CWC27: variants seen among roughly 807,000 people sequenced by gnomAD.
CWC27 encodes the protein CWC27 spliceosome associated cyclophilin, also known as spliceosome-associated protein CWC27 homolog.
In CWC27, 47 loss-of-function variants were observed where a neutral mutation model predicts 63.6. That is an observed-to-expected ratio of 0.74 (90% CI 0.58 to 0.94). The LOEUF is 0.94. CWC27 is among the 40% of genes least tolerant of loss of function. The pLI is 0.00. For missense variants in CWC27, 495 were observed against 554.3 expected (o/e 0.89, Z 1.07); for synonymous variants, 175 against 179.8 (o/e 0.97, Z 0.22).
At chr5:64,897,459 A>C (rs141752370) in intron 11 of CWC27, among the ~76,000 whole-genome samples, 1 of 152,172 alleles carries the variant, frequency 6.6e-6, no homozygotes, top group Non-Finnish European at 1.5e-5. Context: ...GCTGGAAACC[A>C]TCATTCTTAG....
At chr5:64,834,048 G>T (rs1191498748) in intron 10 of CWC27, among the ~76,000 whole-genome samples, 1 of 149,540 alleles carries the variant, frequency 6.7e-6, no homozygotes, top group African/African-American at 2.4e-5. Flanking sequence ...AATCAGCTGT[G>T]AATTGTTTTA....
rs780124346 is a variant in CWC27, at chr5:64,785,463, A to G, written c.397-18A>G. On this transcript the variant is annotated intron_variant, in intron 4 of 13. Coordinates refer to ENST00000381070, the MANE Select transcript of CWC27 (RefSeq NM_005869.4). ...GAGTGCAATAATTTTCAATTACATT[A>G]TATTTTTAATTTGATAGGTTACAGG... 1.7e-6 allele frequency: 2 copies of G among 1,199,664 alleles called. No individual in the cohort carries two copies. The highest frequency in any genetic ancestry group is 3.1e-5 in the African/African-American group (2 of 63,664). 74.3% of individuals were successfully genotyped at this position (1,199,664 alleles called of 1,614,324 possible). A position where few individuals can be genotyped will look rare whatever the true frequency, so the allele number is the denominator to read the frequency against.
chr5:64,832,252 T>C (rs1745543050), intron 10 of CWC27, among the ~76,000 whole-genome samples: 1 of 139,326 alleles, frequency 7.2e-6, no homozygotes. Context: ...TGATACATCT[T>C]GTTCTGTAAT....
At chr5:64,924,470 A>G (rs1748064694) in intron 11 of CWC27, among the ~76,000 whole-genome samples, 1 of 152,232 alleles carries the variant, frequency 6.6e-6, no homozygotes, top group Non-Finnish European at 1.5e-5. Context: ...TTGCAAAGCT[A>G]TGTAATCTAC....
rs547843751 is a variant in CWC27, at chr5:64,972,175, C to G, written c.1152+363C>G. Among the ~76,000 whole-genome samples, 5 of 152,160 alleles carry G rather than the reference C, an allele frequency of 3.3e-5. No individual in the cohort carries two copies. In the South Asian group the frequency reaches 1.0e-3, roughly 32 times the overall value. ...AATGATGAGAGAGTCTCTTCCAGCC[C>G]GACATCTCGCATGCTGACTAGCCAG... On this transcript the variant is annotated intron_variant, in intron 12 of 13. Coordinates refer to ENST00000381070, the MANE Select transcript of CWC27 (RefSeq NM_005869.4).
chr5:64,842,008 ATAG>A (rs1321100646), intron 10 of CWC27, among the ~76,000 whole-genome samples: 1 of 152,160 alleles, frequency 6.6e-6, no homozygotes, highest in Non-Finnish European at 1.5e-5. Flanking sequence ...TTGACTTAAA[ATAG>A]TAGTTGACAA....
At chr5:64,916,585 C>G (rs367701729) in intron 11 of CWC27, among the ~76,000 whole-genome samples, 2 of 152,130 alleles carry the variant, frequency 1.3e-5, no homozygotes, top group East Asian at 1.9e-4. Context: ...GTTCTGGGTT[C>G]TATCATCAGA....
rs146487284 is a variant in CWC27, at chr5:64,777,274, A to G, written c.139+2487A>G. 4.4e-3 allele frequency among the ~76,000 whole-genome samples: 675 copies of G among 152,214 alleles called. 9 individuals carry two copies. The highest frequency in any genetic ancestry group is 7.9e-3 in the South Asian group (38 of 4,828). Reference sequence around the variant, plus strand: ...TTTTATTCTTTAATAATAGTTTACTAATTCTTTAGAGTGACAAATATAAGC... The same window carrying G: ...TTTTATTCTTTAATAATAGTTTACTGATTCTTTAGAGTGACAAATATAAGC... On this transcript the variant is annotated intron_variant, in intron 2 of 13. Transcript: ENST00000381070.
intron 11 of CWC27, among the ~76,000 whole-genome samples, chr5:64,887,607 A>G (rs1438237174): frequency 6.6e-6 from 1 of 152,152 alleles, no homozygotes; most frequent in Non-Finnish European, 1.5e-5. Flanking sequence ...ACCTCAGGTG[A>G]TCTGCCTGCC....
At chr5:64,847,743 A>C (rs1021156579) in intron 10 of CWC27, among the ~76,000 whole-genome samples, 14 of 152,192 alleles carry the variant, frequency 9.2e-5, no homozygotes, top group African/African-American at 9.6e-5. Context: ...AAATTTAAAA[A>C]TACATGGAAA....
At chr5:64,859,478 T>TG (rs780932032) in intron 10 of CWC27, among the ~76,000 whole-genome samples, 7 of 152,196 alleles carry the variant, frequency 4.6e-5, no homozygotes, top group Non-Finnish European at 7.3e-5. Context: ...CAGCAAAACC[T>TG]GATTAGAATT....
chr5:64,785,651 A>T, intron 5 of CWC27, 72 bp downstream of exon 5: 1 of 950,780 alleles, frequency 1.1e-6, no homozygotes. Context: ...TAGTATTTTT[A>T]AACTATTGGA....
intron 10 of CWC27, among the ~76,000 whole-genome samples, chr5:64,866,215 A>G (rs952189568): frequency 2.6e-5 from 4 of 152,064 alleles, no homozygotes; most frequent in African/African-American, 9.7e-5. Flanking sequence ...ATATGATTTG[A>G]ACGTATGATT....
At chr5:65,006,586 TAATTTTTGACAAAAACCA>T (rs1749845343) in intron 13 of CWC27, among the ~76,000 whole-genome samples, 1 of 152,132 alleles carries the variant, frequency 6.6e-6, no homozygotes. Flanking sequence ...CTAGAATACT[TAATTTTTGACAAAAACCA>T]AATTACCTAA....
intron 10 of CWC27, among the ~76,000 whole-genome samples, chr5:64,862,853 G>A (rs187125242): frequency 3.0e-4 from 45 of 152,222 alleles, no homozygotes; most frequent in African/African-American, 1.0e-3. Context: ...TTGGTGTCTC[G>A]TGAGGGCCTA....
intron 11 of CWC27, among the ~76,000 whole-genome samples, chr5:64,922,579 A>G (rs1392827801): frequency 3.9e-5 from 6 of 152,172 alleles, no homozygotes; most frequent in East Asian, 1.9e-4. Context: ...TTGTGTCTCA[A>G]TGAGCTTCCT....
intron 10 of CWC27, among the ~76,000 whole-genome samples, chr5:64,880,780 A>C (rs1332652447): frequency 6.6e-6 from 1 of 151,844 alleles, no homozygotes; most frequent in Non-Finnish European, 1.5e-5. Context: ...TACAAAGCAT[A>C]TTAAAATTCA....
At chr5:64,852,999 A>G (rs1177775634) in intron 10 of CWC27, among the ~76,000 whole-genome samples, 1 of 152,108 alleles carries the variant, frequency 6.6e-6, no homozygotes, top group Non-Finnish European at 1.5e-5. Context: ...ACTACAGACT[A>G]TGGTATTATG....
chr5:64,996,779 T>A (rs563248775), intron 13 of CWC27, among the ~76,000 whole-genome samples: 2 of 152,270 alleles, frequency 1.3e-5, no homozygotes, highest in Admixed American at 6.5e-5. Context: ...AGAAAAAAAA[T>A]CATTCCTAGT....
Sources: gnomAD v4.1 joint callset for allele counts (sites outside exome capture counted in the v4.1 genomes callset) on GRCh38, gnomAD v4.1.1 for gene constraint, MANE v1.5 for transcripts, NCBI Gene and HGNC (gene_info 2026-07-23, HGNC 2026-07-21) for gene names.